Variants in MLLT3 observed in about 807,000 individuals in gnomAD.
MLLT3 encodes protein AF-9.
In MLLT3, 4 loss-of-function variants were observed where a neutral mutation model predicts 53.2. The ratio of observed to expected loss-of-function variants is 0.08; its 90% CI spans 0.04 to 0.17. The LOEUF (loss-of-function observed/expected upper bound fraction) is 0.17. Among genes scored for constraint, MLLT3 ranks in the 10% least tolerant of loss-of-function variants. MLLT3 has a pLI of 1.00. For synonymous variants in MLLT3, 283 were observed against 230.6 expected, an observed-to-expected ratio of 1.23 and a Z score of -2.06; for missense variants, 569 against 684.0, an observed-to-expected ratio of 0.83 and a Z score of 1.87.
Position 20,444,230 on chromosome 9 carries a change from G to C in MLLT3, c.420+3893C>G, listed in dbSNP as rs540984956. ...CCTTTTAATCTTAACATCCTAATGA[G>C]CACAATTTGAGAATCACTGATCCAA... On this transcript the variant is annotated intron_variant, in intron 4 of 10. Transcript: ENST00000380338. Among the ~76,000 whole-genome samples, 338 of 152,204 alleles carry C rather than the reference G, an allele frequency of 2.2e-3. 1 individual carries two copies. The highest frequency in any genetic ancestry group is 7.3e-3 in the African/African-American group (302 of 41,562).
At chr9:20,449,486 A>G (rs1026886889) in intron 3 of MLLT3, among the ~76,000 whole-genome samples, 6 of 152,240 alleles carry the variant, frequency 3.9e-5, no homozygotes, top group African/African-American at 1.2e-4. Flanking sequence ...GTGAAAATAC[A>G]GACTCAAGAT....
chr9:20,553,355 C>T (rs1818974529), intron 2 of MLLT3, among the ~76,000 whole-genome samples: 3 of 152,182 alleles, frequency 2.0e-5, no homozygotes, highest in South Asian at 2.1e-4. Context: ...GTTGTTGAGT[C>T]GGCCTCACAT....
chr9:20,526,633 C>G (rs571390331), intron 2 of MLLT3, among the ~76,000 whole-genome samples: 5 of 152,154 alleles, frequency 3.3e-5, no homozygotes, highest in Non-Finnish European at 7.4e-5. Flanking sequence ...TAGAAATATT[C>G]TTGTACATGT....
intron 2 of MLLT3, among the ~76,000 whole-genome samples, chr9:20,619,086 G>A (rs890798044): frequency 4.6e-5 from 7 of 152,144 alleles, no homozygotes; most frequent in African/African-American, 1.7e-4. Context: ...GAGAGAATCC[G>A]AGAAGCAGCA....
intron 2 of MLLT3, among the ~76,000 whole-genome samples, chr9:20,520,033 T>A (rs1226490057): frequency 6.6e-6 from 1 of 152,124 alleles, no homozygotes; most frequent in Non-Finnish European, 1.5e-5. Flanking sequence ...ACGAATGAGA[T>A]CATGTCCTTT....
chr9:20,598,549 T>A (rs1352088194), intron 2 of MLLT3, among the ~76,000 whole-genome samples: 1 of 152,232 alleles, frequency 6.6e-6, no homozygotes, highest in African/African-American at 2.4e-5. Flanking sequence ...CAGTTGCCAT[T>A]AGTCATTCTT....
intron 5 of MLLT3, among the ~76,000 whole-genome samples, chr9:20,410,075 T>A (rs373431271): frequency 6.6e-6 from 1 of 152,190 alleles, no homozygotes; most frequent in Non-Finnish European, 1.5e-5. Flanking sequence ...TATTTTTACA[T>A]TGATCATGTA....
intron 2 of MLLT3, among the ~76,000 whole-genome samples, chr9:20,589,742 G>A (rs1485639747): frequency 3.5e-5 from 5 of 144,696 alleles, no homozygotes; most frequent in Non-Finnish European, 7.5e-5. Flanking sequence ...GTGGAGTCTC[G>A]CTCTGTCACC....
chr9:20,489,567 C>T (rs1563783491), intron 2 of MLLT3, among the ~76,000 whole-genome samples: 1 of 152,126 alleles, frequency 6.6e-6, no homozygotes, highest in Non-Finnish European at 1.5e-5. Flanking sequence ...TAACAGAACC[C>T]TTCTATCTGC....
chr9:20,562,047 T>A (rs1328467691), intron 2 of MLLT3, among the ~76,000 whole-genome samples: 1 of 152,102 alleles, frequency 6.6e-6, no homozygotes, highest in Non-Finnish European at 1.5e-5. Flanking sequence ...TTAAATATTA[T>A]CTTTCTATAA....
intron 6 of MLLT3, 51 bp from the exon 7 acceptor site, chr9:20,363,656 T>G (rs564759040): frequency 6.3e-7 from 1 of 1,578,596 alleles, no homozygotes; most frequent in South Asian, 1.1e-5. Flanking sequence ...TCAAACACAC[T>G]TAGCCATATT....
intron 10 of MLLT3, among the ~76,000 whole-genome samples, chr9:20,350,238 T>G (rs1820975899): frequency 6.6e-6 from 1 of 152,210 alleles, no homozygotes; most frequent in African/African-American, 2.4e-5. Context: ...TTACTCTGCA[T>G]CATAGTGCAA....
At chr9:20,372,765 G>A (rs574338096) in intron 5 of MLLT3, among the ~76,000 whole-genome samples, 6 of 151,800 alleles carry the variant, frequency 4.0e-5, no homozygotes, top group South Asian at 2.1e-4. Context: ...CACTCCAATC[G>A]ATAAGTAGTC....
intron 2 of MLLT3, among the ~76,000 whole-genome samples, chr9:20,525,722 G>T (rs1818183539): frequency 6.6e-6 from 1 of 152,124 alleles, no homozygotes; most frequent in Admixed American, 6.5e-5. Flanking sequence ...ATAGGTTTAG[G>T]ATACAACCTT....
At chr9:20,576,731 C>T (rs1188767915) in intron 2 of MLLT3, among the ~76,000 whole-genome samples, 1 of 152,118 alleles carries the variant, frequency 6.6e-6, no homozygotes, top group Non-Finnish European at 1.5e-5. Context: ...TTCTGATATA[C>T]TGCAAGCATT....
chr9:20,351,814 G>C (rs1308281794), intron 10 of MLLT3, among the ~76,000 whole-genome samples: 1 of 152,168 alleles, frequency 6.6e-6, no homozygotes, highest in Non-Finnish European at 1.5e-5. Context: ...GTCCTCAATA[G>C]TGCTATGTTT....
intron 5 of MLLT3, among the ~76,000 whole-genome samples, chr9:20,410,152 G>C (rs575117641): frequency 2.0e-5 from 3 of 152,030 alleles, no homozygotes; most frequent in Middle Eastern, 3.4e-3. Flanking sequence ...AGTGACAAAA[G>C]ACAAAACTCA....
rs1039820396 is a variant in MLLT3, at chr9:20,344,302, G to A, written c.*2141C>T. 7.0e-5 allele frequency: 14 copies of A among 199,504 alleles called. No homozygotes were observed. Among genetic ancestry groups the A allele is most frequent in the Admixed American group, 5.4e-4 (9 of 16,590 alleles). 12.4% of individuals were successfully genotyped at this position (199,504 alleles called of 1,614,324 possible). A position where few individuals can be genotyped will look rare whatever the true frequency, so the allele number is the denominator to read the frequency against. ...AAAATGGCCCAAACTACATATATAC[G>A]TTTCTAGTTAAACTACACAGATATA... is the stretch of plus-strand genomic sequence containing the variant. On this transcript the variant is annotated 3_prime_UTR_variant, in exon 11 of 11. Coordinates refer to ENST00000380338, the MANE Select transcript of MLLT3 (RefSeq NM_004529.4).
rs541827173 is a variant in MLLT3 at position 20,601,099 on chromosome 9, C to G, written c.193+19555G>C. ...TAGGGGCTGGGGTTTGGAGGCAAAA[C>G]AATGAAGCATTTGACAACGTCAAAA... On this transcript the variant is annotated intron_variant, in intron 2 of 10. Coordinates refer to ENST00000380338, the MANE Select transcript of MLLT3 (RefSeq NM_004529.4). Among the ~76,000 whole-genome samples, 3 of 152,252 alleles carry G rather than the reference C, an allele frequency of 2.0e-5. No homozygotes were observed. In the East Asian group the frequency reaches 5.8e-4, roughly 29 times the overall value.
Sources: gnomAD v4.1 joint callset for allele counts (sites outside exome capture counted in the v4.1 genomes callset) on GRCh38, gnomAD v4.1.1 for gene constraint, MANE v1.5 for transcripts, NCBI Gene and HGNC (gene_info 2026-07-23, HGNC 2026-07-21) for gene names.